The following ARAP1 variants were observed in gnomAD, a reference collection of about 807,000 sequenced individuals.
ARAP1 encodes the protein arf-GAP with Rho-GAP domain, ANK repeat and PH domain-containing protein 1.
ARAP1 carries 76 observed loss-of-function variants against 172.2 expected under a neutral mutation model. That is an observed-to-expected ratio of 0.44 (90% CI 0.37 to 0.53). ARAP1 has a LOEUF of 0.53. Among genes scored for constraint, ARAP1 ranks in the 20% least tolerant of loss-of-function variants. ARAP1 has a pLI of 0.00. For missense variants in ARAP1, 1,686 were observed against 1,977.5 expected, an observed-to-expected ratio of 0.85 and a Z score of 2.80; for synonymous variants, 804 against 803.3, an observed-to-expected ratio of 1.00 and a Z score of -0.01.
chr11:72,704,499 G>A, intron 13 of ARAP1, 165 bp from the exon 14 acceptor site: 2 of 716,786 alleles, frequency 2.8e-6, no homozygotes, highest in South Asian at 3.9e-5. Flanking sequence ...TGGTGGCTGG[G>A]GATGCTCCTG....
chr11:72,699,601 G>A lies in ARAP1; in HGVS notation c.2303-49C>T. 5.7e-6 allele frequency: 9 copies of A among 1,584,518 alleles called. No individual in the cohort carries two copies. Among genetic ancestry groups the A allele is most frequent in the East Asian group, 2.3e-5 (1 of 43,118 alleles). On this transcript the variant is annotated intron_variant, in intron 16 of 34. Coordinates refer to ENST00000393609, the MANE Select transcript of ARAP1 (RefSeq NM_001040118.3). The surrounding 1 kb of genome is among the most constrained non-coding windows in gnomAD (Gnocchi z 4.2). The stretch of plus-strand genomic sequence containing the variant: ...GCCATCAGGGAGCCCCCCACCACCT[G>A]AAAACCACCTCTGCATCCTCCCGGG...
chr11:72,750,285 C>T (rs1482810427), intron 1 of ARAP1, among the ~76,000 whole-genome samples: 2 of 152,260 alleles, frequency 1.3e-5, no homozygotes, highest in East Asian at 1.9e-4. Flanking sequence ...GCTGGACAGG[C>T]GGGCCTGGAG....
chr11:72,695,356 A>G lies in ARAP1; in HGVS notation c.3576+31T>C. On this transcript the variant is annotated intron_variant, in intron 26 of 34. Coordinates refer to ENST00000393609, the MANE Select transcript of ARAP1 (RefSeq NM_001040118.3). The surrounding 1 kb of genome is among the most constrained non-coding windows in gnomAD (Gnocchi z 4.4). ...TGTACCTGGCCCAGCCTGATTCTCT[A>G]GCCCCTTGGCTTCTAGGTCCCAGCA... 1 of 1,613,814 alleles carries G rather than the reference A, an allele frequency of 6.2e-7. No individual in the cohort carries two copies. The highest frequency in any genetic ancestry group is 8.5e-7 in the Non-Finnish European group (1 of 1,179,840).
At chr11:72,739,127 AG>A (rs1858126079) in intron 1 of ARAP1, among the ~76,000 whole-genome samples, 1 of 152,140 alleles carries the variant, frequency 6.6e-6, no homozygotes, top group Non-Finnish European at 1.5e-5. Flanking sequence ...ACCTCCCTCC[AG>A]CCCTGCCAGG....
At chr11:72,706,507 T>G (rs1021374688) in intron 12 of ARAP1, among the ~76,000 whole-genome samples, 1 of 152,130 alleles carries the variant, frequency 6.6e-6, no homozygotes, top group Non-Finnish European at 1.5e-5. Context: ...CCAGAATGAG[T>G]GGCCTCGATT....
intron 33 of ARAP1, 163 bp downstream of exon 33, chr11:72,687,276 T>C: frequency 1.1e-6 from 1 of 885,284 alleles, no homozygotes; most frequent in South Asian, 1.6e-5. Flanking sequence ...TAACAGTAGG[T>C]GCTAGGAAGG....
rs536150747 is a variant in ARAP1, at chr11:72,706,552, G to A, written c.1723+623C>T. Reference sequence around the variant, plus strand: ...AATGAACCTTGGGCTCAACCCTCTCGCATTTCATCTTCCTCATCCAGTCAG... The same window carrying A: ...AATGAACCTTGGGCTCAACCCTCTCACATTTCATCTTCCTCATCCAGTCAG... On this transcript the variant is annotated intron_variant, in intron 12 of 34. Coordinates refer to ENST00000393609, the MANE Select transcript of ARAP1 (RefSeq NM_001040118.3). Among the ~76,000 whole-genome samples, 12 of 152,254 alleles carry A rather than the reference G, an allele frequency of 7.9e-5. No homozygotes were observed. The South Asian group carries it at 1.0e-3, about 13-fold the overall frequency.
At chr11:72,687,812 A>G (rs1452623915) in intron 31 of ARAP1, 74 bp from the exon 32 acceptor site, 1 of 1,552,476 alleles carries the variant, frequency 6.4e-7, no homozygotes, top group Non-Finnish European at 8.9e-7. Context: ...CCCAGGACAG[A>G]GCCCAGAAGC....
intron 1 of ARAP1, among the ~76,000 whole-genome samples, chr11:72,746,092 A>T (rs551018282): frequency 6.6e-6 from 1 of 152,194 alleles, no homozygotes; most frequent in East Asian, 1.9e-4. Context: ...CACATCCCAT[A>T]CTGGCCCTGA....
intron 3 of ARAP1, chr11:72,722,177 CAGAG>C (rs1857543741): frequency 7.1e-6 from 7 of 979,208 alleles, no homozygotes; most frequent in East Asian, 1.1e-4. Flanking sequence ...GAGAGAAAGA[CAGAG>C]GGAGAGAGAG....
In ARAP1 at chr11:72,695,812, A is replaced by C; in HGVS notation, c.3326T>G (p.Val1109Gly). Residue 1109 changes from valine to glycine, a missense_variant, in exon 24 of 35, where the codon GTG becomes GGG. Transcript: ENST00000393609. The surrounding 1 kb of genome is among the most constrained non-coding windows in gnomAD (Gnocchi z 4.4). The stretch of plus-strand genomic sequence containing the variant: ...TGTCTGGAAGAGCGTGGGCCCAAAC[A>C]CAATTGCCAGGTTGTGCACGTTCAT... ...NQMNVHNLAI[V>G]FGPTLFQTDG... The C allele has an allele frequency of 6.2e-7, 1 of 1,614,108 alleles. No homozygotes were observed. Among genetic ancestry groups the C allele is most frequent in the Non-Finnish European group, 8.5e-7 (1 of 1,180,022 alleles).
chr11:72,750,497 C>T (rs1858500785), intron 1 of ARAP1, among the ~76,000 whole-genome samples: 2 of 151,382 alleles, frequency 1.3e-5, no homozygotes, highest in Admixed American at 1.3e-4. Flanking sequence ...ACCCCCCCAA[C>T]CCCTCTAAAC....
rs762372241 is a variant in ARAP1, at chr11:72,697,464, G to T, written c.2812C>A (p.Arg938=). 6.2e-7 allele frequency: 1 copy of T among 1,613,306 alleles called. No individual in the cohort carries two copies. The highest frequency in any genetic ancestry group is 1.3e-5 in the African/African-American group (1 of 74,892). Residue 938 remains arginine, a synonymous_variant, in exon 21 of 35, where the codon CGG becomes AGG. Transcript: ENST00000393609. ...RRRTLYIQGE[R]RLDFMGWLGA... is the part of the protein sequence containing the mutation. Reference sequence around the variant, plus strand: ...AGCCAACCCATGAAGTCCAGCCGCCGCTCGCCCTGTATGTACAGTGTCCTG... The same window carrying T: ...AGCCAACCCATGAAGTCCAGCCGCCTCTCGCCCTGTATGTACAGTGTCCTG...
intron 27 of ARAP1, among the ~76,000 whole-genome samples, chr11:72,694,162 ATC>A (rs1591176040): frequency 2.0e-5 from 3 of 151,100 alleles, no homozygotes. Context: ...CACACGTCGA[ATC>A]TCTCTGCTCT....
intron 15 of ARAP1, 75 bp downstream of exon 15, chr11:72,702,830 C>T: frequency 1.3e-6 from 2 of 1,512,062 alleles, no homozygotes; most frequent in Non-Finnish European, 8.9e-7. Context: ...CGATCACGGC[C>T]TGAGAGCAGC....
chr11:72,718,292 C>T (rs1161948461), intron 3 of ARAP1, among the ~76,000 whole-genome samples: 2 of 152,020 alleles, frequency 1.3e-5, no homozygotes, highest in African/African-American at 4.8e-5. Flanking sequence ...ACAGGGCCCA[C>T]AGAATGCCCC....
intron 30 of ARAP1, 58 bp downstream of exon 30, chr11:72,692,695 A>G (rs1337726282): frequency 9.3e-6 from 15 of 1,607,990 alleles, no homozygotes; most frequent in Non-Finnish European, 1.3e-5. Context: ...GCTCCCACCC[A>G]GCTCATTTGG....
chr11:72,711,066 C>T lies in ARAP1; in HGVS notation c.1168G>A (p.Val390Met). ...GCAAAGGTTCGGTTGTTTGTGATCA[C>T]TTCAAACTTCTGGTCCCCGATGGCA... ...VAAIGDQKFE[V>M]ITNNRTFAFR... The change falls in exon 9 of 35, where the codon GTG becomes ATG. Residue 390 changes from valine (V) to methionine (M), a missense_variant. By Grantham distance (21) the Val-to-Met change is conservative (BLOSUM62 1). Around this residue, in one of 5 missense-constraint regions of ARAP1, gnomAD observed 688 missense variants for 856.9 expected, o/e 0.80. Coordinates refer to ENST00000393609, the MANE Select transcript of ARAP1 (RefSeq NM_001040118.3). The T allele has an allele frequency of 6.2e-7, 1 of 1,614,252 alleles. No homozygotes were observed. The highest frequency in any genetic ancestry group is 1.7e-5 in the Admixed American group (1 of 60,032).
intron 2 of ARAP1, among the ~76,000 whole-genome samples, chr11:72,728,825 T>C (rs986082523): frequency 3.9e-5 from 6 of 152,208 alleles, no homozygotes; most frequent in Non-Finnish European, 7.3e-5. Flanking sequence ...AAGTTCTGGA[T>C]AGAAGACAAC....
Sources: gnomAD v4.1 joint callset for allele counts (sites outside exome capture counted in the v4.1 genomes callset) on GRCh38, gnomAD v4.1.1 for gene constraint, gnomAD v4.1.1 regional missense constraint, Gnocchi (gnomAD v3.1) non-coding constraint, MANE v1.5 for transcripts, NCBI Gene and HGNC (gene_info 2026-07-23, HGNC 2026-07-21) for gene names.